Variants in PLEC observed in about 807,000 individuals in gnomAD.
The protein encoded by PLEC is plectin.
Under a neutral mutation model 392.8 loss-of-function variants are expected in PLEC, and 216 were observed. The observed-to-expected ratio is 0.55, with a 90% confidence interval of 0.49 to 0.62. The LOEUF is 0.62. Ranked by LOEUF, PLEC falls within the 20% of genes least tolerant of loss-of-function variation. The probability of loss-of-function intolerance (pLI) is 0.00; values close to 1 mark genes in which losing one functional copy is unlikely to be tolerated. For synonymous variants in PLEC, 3,621 were observed against 2,980.6 expected, an observed-to-expected ratio of 1.21 and a Z score of -7.00; for missense variants, 6,863 against 6,563.4, an observed-to-expected ratio of 1.05 and a Z score of -1.58.
chr8:143,927,206 G>A (rs782630046), intron 28 of PLEC, 46 bp downstream of exon 28: 2 of 1,592,620 alleles, frequency 1.3e-6, no homozygotes, highest in Non-Finnish European at 1.7e-6. Flanking sequence ...CATCATCCTG[G>A]CAACGGTCCC....
upstream of PLEC, among the ~76,000 whole-genome samples, chr8:143,953,389 G>C (rs1832395950): frequency 1.3e-5 from 2 of 151,998 alleles, no homozygotes; most frequent in Non-Finnish European, 2.9e-5. Context: ...AACTCGGGCC[G>C]GGTGGAAGGG....
chr8:143,917,946 G>A lies in PLEC; in HGVS notation c.11875C>T (p.Arg3959Cys), dbSNP rs782569608. The change falls in exon 32 of 32, where the codon CGC becomes TGC. Residue 3959 changes from arginine to cysteine, a missense_variant. Coordinates refer to ENST00000345136, the MANE Select transcript of PLEC (RefSeq NM_201384.3). ...VYQAMKKGIIRPGTAFELLEA... is the reference protein window; with the variant it reads ...VYQAMKKGIICPGTAFELLEA... ...AGGAGCTCAAAGGCTGTGCCGGGGCGGATGATGCCCTTCTTCATGGCCTGG... is the reference window on the plus strand; with the variant it reads ...AGGAGCTCAAAGGCTGTGCCGGGGCAGATGATGCCCTTCTTCATGGCCTGG... The A allele has an allele frequency of 7.4e-6, 12 of 1,613,000 alleles. No homozygotes were observed. The highest frequency in any genetic ancestry group is 3.3e-5 in the Admixed American group (2 of 60,018).
chr8:143,973,572 C>A (rs1448810293), upstream of PLEC: 9 of 981,482 alleles, frequency 9.2e-6, no homozygotes, highest in Admixed American at 6.1e-5. This position sits in a 1 kb window ranked among gnomAD's most constrained non-coding sequence, Gnocchi z 5.6. Flanking sequence ...CCGCCCCCGC[C>A]CCGCCCCCGC....
upstream of PLEC, among the ~76,000 whole-genome samples, chr8:143,940,779 G>C (rs2132394906): frequency 1.3e-5 from 2 of 152,246 alleles, no homozygotes; most frequent in South Asian, 4.1e-4. Flanking sequence ...CTCACAATGG[G>C]GGGTGCCCAA....
chr8:143,963,016 T>C (rs1362385208), intron 1 of PLEC, among the ~76,000 whole-genome samples: 1 of 152,184 alleles, frequency 6.6e-6, no homozygotes, highest in Non-Finnish European at 1.5e-5. Context: ...ATGTGACTCA[T>C]GGGTCCATTC....
intron 1 of PLEC, among the ~76,000 whole-genome samples, chr8:143,948,320 T>G (rs1831735361): frequency 6.6e-6 from 1 of 152,232 alleles, no homozygotes; most frequent in African/African-American, 2.4e-5. Flanking sequence ...GGAGCGGCTG[T>G]GCAGTGGGGA....
chr8:143,966,650 TG>T (rs1266910506), intron 1 of PLEC, among the ~76,000 whole-genome samples: 3 of 151,866 alleles, frequency 2.0e-5, no homozygotes, highest in Non-Finnish European at 4.4e-5. Context: ...GGGGCTCGGC[TG>T]GGGGGGTACA....
upstream of PLEC, among the ~76,000 whole-genome samples, chr8:143,951,235 G>A (rs1832115762): frequency 1.3e-5 from 2 of 152,180 alleles, no homozygotes; most frequent in Admixed American, 1.3e-4. Context: ...GGCAGGAGGG[G>A]TACTCGGCAG....
intron 5 of PLEC, 81 bp downstream of exon 5, chr8:143,936,897 CG>C (rs1486779913): frequency 1.8e-6 from 2 of 1,108,220 alleles, no homozygotes; most frequent in Non-Finnish European, 1.4e-6. Context: ...AGCCAGAAAG[CG>C]GATCAACCCG....
rs1258900653 is a variant in PLEC, at chr8:143,919,992, C to T, written c.9829G>A (p.Gly3277Ser). ...ATGACCTTCTCCACGGTGACCTTGCCCGTGCGGAACTGACGCAACAGCTCC... is the reference window on the plus strand; with the variant it reads ...ATGACCTTCTCCACGGTGACCTTGCTCGTGCGGAACTGACGCAACAGCTCC... ...RQELLRQFRT[G>S]KVTVEKVIKI... Residue 3277 changes from glycine to serine, a missense_variant, in exon 32 of 32, where the codon GGC (glycine) becomes AGC (serine). Coordinates refer to ENST00000345136, the MANE Select transcript of PLEC (RefSeq NM_201384.3). 3.1e-6 allele frequency: 5 copies of T among 1,613,196 alleles called. No homozygotes were observed. The highest frequency in any genetic ancestry group is 4.2e-6 in the Non-Finnish European group (5 of 1,180,050).
intron 1 of PLEC, among the ~76,000 whole-genome samples, chr8:143,970,719 G>A (rs1269258579): frequency 6.6e-6 from 1 of 152,098 alleles, no homozygotes; most frequent in Non-Finnish European, 1.5e-5. Flanking sequence ...CACCTGCATT[G>A]CCACAACTCT....
rs1554701769 is a variant in PLEC, at chr8:143,925,282, C to T, written c.4647G>A (p.Glu1549=). The change falls in exon 31 of 32, where the codon GAG becomes GAA. Residue 1549 remains glutamate (E), a synonymous_variant. Transcript: ENST00000345136. ...EELRLQAEEA[E]RRLRQAEVER... ...CCACCTCGGCCTGCCGCAGGCGCCG[C>T]TCCGCCTCCTCCGCCTGCAGCCGCA... 2.5e-6 allele frequency: 4 copies of T among 1,574,662 alleles called. No homozygotes were observed. The highest frequency in any genetic ancestry group is 3.4e-6 in the Non-Finnish European group (4 of 1,169,098).
intron 30 of PLEC, 65 bp from the exon 31 acceptor site, chr8:143,925,949 G>T: frequency 6.9e-7 from 1 of 1,455,856 alleles, no homozygotes; most frequent in Non-Finnish European, 9.3e-7. Context: ...GCGCTGACGG[G>T]GCACGCACCG....
At position 143,925,654 on chromosome 8, in the gene PLEC, C is replaced by T. The variant is rs2131502133; in HGVS notation, c.4275G>A (p.Leu1425=). 6.3e-7 allele frequency: 1 copy of T among 1,586,096 alleles called. No individual in the cohort carries two copies. Among genetic ancestry groups the T allele is most frequent in the Non-Finnish European group, 8.5e-7 (1 of 1,173,478 alleles). Residue 1425 remains leucine, a synonymous_variant, in exon 31 of 32, where the codon CTG becomes CTA. Transcript: ENST00000345136. ...GGATCTCCGCCTCCGAGCTCTGCCG[C>T]AGCTGCTGCAGCTCCTCCTGAATGC... ...KRSIQEELQQ[L]RQSSEAEIQA...
At chr8:143,950,199 G>T in exon 1 of PLEC, 2 of 1,529,278 alleles carry the variant, frequency 1.3e-6, no homozygotes, top group Non-Finnish European at 1.8e-6. Context: ...GCTGGGGCAG[G>T]CTCCGGGCCT....
upstream of PLEC, among the ~76,000 whole-genome samples, chr8:143,944,304 C>T (rs1012269043): frequency 8.5e-5 from 13 of 152,172 alleles, no homozygotes; most frequent in Admixed American, 2.0e-4. Flanking sequence ...CTCCCAGCCT[C>T]CCCCTGCTGT....
At position 143,926,999 on chromosome 8, in the gene PLEC, C is replaced by G. The variant is rs543793295; in HGVS notation, c.3923G>C (p.Gly1308Ala). The G allele has an allele frequency of 6.2e-7, 1 of 1,613,176 alleles. No homozygotes were observed. The highest frequency in any genetic ancestry group is 1.3e-5 in the African/African-American group (1 of 75,074). Reference protein sequence around the residue: ...SPAKKPKVQSGSESVIQEYVD... With the variant: ...SPAKKPKVQSASESVIQEYVD... ...TACCTCCTGGATGACACTCTCTGATCCCGACTGGACCTTGGGCTTCTTGGC... is the reference window on the plus strand; with the variant it reads ...TACCTCCTGGATGACACTCTCTGATGCCGACTGGACCTTGGGCTTCTTGGC... The change falls in exon 29 of 32, where the codon GGA (glycine) becomes GCA (alanine). Residue 1308 changes from glycine to alanine, a missense_variant. Physicochemically the swap from Gly to Ala is moderately conservative, Grantham distance 60. Transcript: ENST00000345136.
At chr8:143,945,810 G>GCCCACCCCAGCCTCCTGCTCTCCAGC (rs1831378635) in intron 1 of PLEC, among the ~76,000 whole-genome samples, 1 of 152,232 alleles carries the variant, frequency 6.6e-6, no homozygotes, top group Admixed American at 6.5e-5. Flanking sequence ...AGAGGGCCGG[G>GCCCACCCCAGCCTCCTGCTCTCCAGC]CCCACCCCAG....
At chr8:143,934,274 C>T (rs1554720519) in intron 11 of PLEC, 44 bp downstream of exon 11, 1 of 1,609,476 alleles carries the variant, frequency 6.2e-7, no homozygotes. Context: ...CAGGCAGTGA[C>T]ACACCCTCGG....
Sources: gnomAD v4.1 joint callset for allele counts (sites outside exome capture counted in the v4.1 genomes callset) on GRCh38, gnomAD v4.1.1 for gene constraint, Gnocchi (gnomAD v3.1) non-coding constraint, MANE v1.5 for transcripts, NCBI Gene and HGNC (gene_info 2026-07-23, HGNC 2026-07-21) for gene names.